The following CCDC149 variants were observed in gnomAD, a reference collection of about 807,000 sequenced individuals.
CCDC149 encodes the protein coiled-coil domain-containing protein 149.
Under a neutral mutation model 59.9 loss-of-function variants are expected in CCDC149, and 45 were observed. The ratio of observed to expected loss-of-function variants is 0.75; its 90% CI spans 0.59 to 0.96. The LOEUF (loss-of-function observed/expected upper bound fraction) is 0.96. Ranked by LOEUF, CCDC149 falls within the 40% of genes least tolerant of loss-of-function variation. The pLI, the probability that CCDC149 is intolerant of heterozygous loss-of-function variation, is 0.00. For synonymous variants in CCDC149, 245 were observed against 260.6 expected, an observed-to-expected ratio of 0.94 and a Z score of 0.58; for missense variants, 584 against 664.7, an observed-to-expected ratio of 0.88 and a Z score of 1.33.
chr4:24,874,258 T>C (rs199818555), intron 2 of CCDC149, among the ~76,000 whole-genome samples: 3 of 52,210 alleles, frequency 5.7e-5, no homozygotes, highest in African/African-American at 1.6e-4. Context: ...TTTTTTTTTT[T>C]TGTTTTGTTT....
chr4:24,946,893 T>C (rs764427726), intron 1 of CCDC149, among the ~76,000 whole-genome samples: 5 of 152,204 alleles, frequency 3.3e-5, no homozygotes, highest in African/African-American at 1.2e-4. Flanking sequence ...CATATTCATA[T>C]GTACTCATAG....
chr4:24,893,265 T>C lies in CCDC149; in HGVS notation c.64-16568A>G, dbSNP rs1238735950. On this transcript the variant is annotated intron_variant, in intron 1 of 12. Coordinates refer to ENST00000635206, the MANE Select transcript of CCDC149 (RefSeq NM_001330643.2). ...GAAAAATGAAAGGTGGCTAGGTCTC[T>C]AACAGATTGTAAGCCAGCATGCCAG... 2.6e-5 allele frequency among the ~76,000 whole-genome samples: 4 copies of C among 152,230 alleles called. No homozygotes were observed. In the East Asian group the frequency reaches 7.7e-4, roughly 29 times the overall value.
chr4:24,804,272 C>T (rs1714041204), downstream of CCDC149, among the ~76,000 whole-genome samples: 1 of 152,090 alleles, frequency 6.6e-6, no homozygotes, highest in Admixed American at 6.5e-5. Context: ...GAAGGCAGAT[C>T]ACGAGGTTGG....
intron 1 of CCDC149, among the ~76,000 whole-genome samples, chr4:24,978,576 T>G (rs554621241): frequency 1.3e-5 from 2 of 152,288 alleles, no homozygotes; most frequent in South Asian, 4.1e-4. Context: ...AAACCTCAGA[T>G]GAAGAGACAA....
chr4:24,821,208 C>T, intron 10 of CCDC149, 121 bp from the exon 11 acceptor site: 1 of 407,236 alleles, frequency 2.5e-6, no homozygotes, highest in Non-Finnish European at 4.1e-6. Flanking sequence ...GAGTAACTTC[C>T]ATCTTTTAAT....
chr4:24,876,975 A>T (rs1431126963), intron 1 of CCDC149, among the ~76,000 whole-genome samples: 1 of 152,098 alleles, frequency 6.6e-6, no homozygotes, highest in Non-Finnish European at 1.5e-5. Flanking sequence ...AGACAGCTGG[A>T]CTCCAATTTT....
chr4:24,816,725 T>C (rs1262926499), intron 12 of CCDC149, among the ~76,000 whole-genome samples: 1 of 152,122 alleles, frequency 6.6e-6, no homozygotes, highest in Non-Finnish European at 1.5e-5. Context: ...ATATCAATGA[T>C]GAGGATGCAA....
At chr4:24,844,489 C>T (rs994960984) in intron 4 of CCDC149, among the ~76,000 whole-genome samples, 8 of 152,010 alleles carry the variant, frequency 5.3e-5, no homozygotes, top group South Asian at 2.1e-4. Context: ...ATCAATGGGC[C>T]GGGCCAGGCA....
intron 1 of CCDC149, among the ~76,000 whole-genome samples, chr4:24,949,640 C>T (rs1465982958): frequency 1.3e-5 from 2 of 152,146 alleles, no homozygotes; most frequent in African/African-American, 2.4e-5. Flanking sequence ...AACACACAAG[C>T]CAACTACGAA....
intron 12 of CCDC149, among the ~76,000 whole-genome samples, chr4:24,812,005 C>A (rs1714642181): frequency 6.6e-6 from 1 of 152,208 alleles, no homozygotes; most frequent in African/African-American, 2.4e-5. Flanking sequence ...TGGCTGCATC[C>A]TTCCAATCTC....
At chr4:24,891,600 C>T (rs1462728937) in intron 1 of CCDC149, among the ~76,000 whole-genome samples, 2 of 152,178 alleles carry the variant, frequency 1.3e-5, no homozygotes, top group South Asian at 2.1e-4. Flanking sequence ...TACTCTTTTG[C>T]GTGTGCATCT....
intron 1 of CCDC149, among the ~76,000 whole-genome samples, chr4:24,926,944 C>T (rs1352191201): frequency 3.3e-5 from 5 of 152,288 alleles, no homozygotes; most frequent in East Asian, 1.9e-4. Context: ...ACACTCCTTA[C>T]AGGCAGCACG....
chr4:24,917,201 C>G (rs1345230442), upstream of CCDC149, among the ~76,000 whole-genome samples: 2 of 152,218 alleles, frequency 1.3e-5, no homozygotes, highest in African/African-American at 4.8e-5. Context: ...GACCCCTGAG[C>G]TCCCAGGTCC....
At position 24,808,701 on chromosome 4, in the gene CCDC149, T is replaced by C. The variant is rs371651257; in HGVS notation, c.1311A>G (p.Gln437=). The C allele has an allele frequency of 7.7e-6, 12 of 1,552,242 alleles. No homozygotes were observed. The highest frequency in any genetic ancestry group is 1.0e-5 in the Non-Finnish European group (12 of 1,147,142). Residue 437 remains glutamine (Q), a synonymous_variant, in exon 13 of 13, where the codon CAA becomes CAG. Transcript: ENST00000635206. Reference sequence around the variant, plus strand: ...GTAATGAAGGATGAAAGAGCTTGCATTGGTTCCCGCGGCTCTGATTTGCTG... The same window carrying C: ...GTAATGAAGGATGAAAGAGCTTGCACTGGTTCCCGCGGCTCTGATTTGCTG...
chr4:24,851,416 C>T (rs1295403222), intron 4 of CCDC149, among the ~76,000 whole-genome samples: 1 of 152,210 alleles, frequency 6.6e-6, no homozygotes, highest in Non-Finnish European at 1.5e-5. Context: ...GCGCGTGCCA[C>T]CACGCCTGGC....
intron 3 of CCDC149, among the ~76,000 whole-genome samples, chr4:24,856,557 CA>C (rs1718022495): frequency 6.6e-6 from 1 of 152,180 alleles, no homozygotes; most frequent in African/African-American, 2.4e-5. Context: ...GAAAAAGTCC[CA>C]GACAGGGGAA....
intron 1 of CCDC149, among the ~76,000 whole-genome samples, chr4:24,891,243 G>T (rs1019293612): frequency 6.6e-6 from 1 of 152,164 alleles, no homozygotes; most frequent in Non-Finnish European, 1.5e-5. Context: ...GACATTGGTG[G>T]GTGTATAATC....
At chr4:24,866,825 A>ACACC (rs1718729117) in intron 3 of CCDC149, among the ~76,000 whole-genome samples, 1 of 146,640 alleles carries the variant, frequency 6.8e-6, no homozygotes, top group African/African-American at 2.5e-5. Context: ...ACACACACCC[A>ACACC]CACACACACA....
intron 3 of CCDC149, among the ~76,000 whole-genome samples, chr4:24,860,693 G>A (rs1409152278): frequency 6.6e-6 from 1 of 152,078 alleles, no homozygotes; most frequent in Non-Finnish European, 1.5e-5. Flanking sequence ...TGCAAACTAT[G>A]CATCCAACAA....
Sources: allele counts gnomAD v4.1 joint callset (sites outside exome capture counted in the v4.1 genomes callset), GRCh38; gene constraint gnomAD v4.1.1; transcripts MANE v1.5; gene names NCBI Gene and HGNC (gene_info 2026-07-23, HGNC 2026-07-21).